The following ATP10D variants were observed in gnomAD, a reference collection of about 807,000 sequenced individuals.
ATP10D encodes ATPase phospholipid transporting 10D (putative), also known as phospholipid-transporting ATPase VD.
A neutral mutation model predicts 144.8 loss-of-function variants in ATP10D; 89 were observed. The observed-to-expected ratio is 0.61, with a 90% CI of 0.52 to 0.73. The LOEUF (loss-of-function observed/expected upper bound fraction) is 0.73. Among genes scored for constraint, ATP10D ranks in the 30% least tolerant of loss-of-function variants. ATP10D has a pLI of 0.00. For synonymous variants in ATP10D, 571 were observed against 615.1 expected (o/e 0.93, Z 1.06); for missense variants, 1,603 against 1,714.8 (o/e 0.93, Z 1.15).
At chr4:47,500,092 T>C (rs1715605380) in intron 1 of ATP10D, among the ~76,000 whole-genome samples, 2 of 152,248 alleles carry the variant, frequency 1.3e-5, no homozygotes. Flanking sequence ...GGTGTTATTT[T>C]ACTCATTCAT....
At chr4:47,517,948 C>G (rs1347716543) in intron 3 of ATP10D, among the ~76,000 whole-genome samples, 2 of 151,980 alleles carry the variant, frequency 1.3e-5, no homozygotes, top group Non-Finnish European at 2.9e-5. Context: ...GTGTTTTTAT[C>G]TGTGTATAAT....
intron 10 of ATP10D, among the ~76,000 whole-genome samples, chr4:47,551,684 CA>C (rs1430082220): frequency 6.6e-6 from 1 of 152,176 alleles, no homozygotes; most frequent in Non-Finnish European, 1.5e-5. Flanking sequence ...GGAGAGATTC[CA>C]TACCTATGTA....
At position 47,535,600 on chromosome 4, in the gene ATP10D, A is replaced by C. The variant is rs747164353; in HGVS notation, c.868A>C (p.Ile290Leu). Residue 290 changes from isoleucine to leucine, a missense_variant, in exon 6 of 23, where the codon ATT becomes CTT. Coordinates refer to ENST00000273859, the MANE Select transcript of ATP10D (RefSeq NM_020453.4). Reference sequence around the variant, plus strand: ...TAGAAACACAGAGGCTGTTGTGGGCATTGTGGTTTATGCAGGTCGGTTATG... The same window carrying C: ...TAGAAACACAGAGGCTGTTGTGGGCCTTGTGGTTTATGCAGGTCGGTTATG... ...TIRNTEAVVGIVVYAGHETKA... is the reference protein window; with the variant it reads ...TIRNTEAVVGLVVYAGHETKA... 1.9e-6 allele frequency: 3 copies of C among 1,612,068 alleles called. No homozygotes were observed. The highest frequency in any genetic ancestry group is 1.7e-5 in the Admixed American group (1 of 59,632).
At position 47,593,130 on chromosome 4, in the gene ATP10D, T is replaced by C. The variant is rs971353097; in HGVS notation, c.*1749T>C. 1.3e-5 allele frequency: 2 copies of C among 151,996 alleles called. No individual in the cohort carries two copies. The highest frequency in any genetic ancestry group is 4.8e-5 in the African/African-American group (2 of 41,396). The allele number at this position is 151,996 out of a possible 1,614,324, so 9.4% of individuals were successfully genotyped here. ...TCACTTGTAAATAAAAAGGTTAGAA[T>C]CTAAGGACAAAGAATGATCCAAAAA... On this transcript the variant is annotated 3_prime_UTR_variant, in exon 23 of 23. Transcript: ENST00000273859.
chr4:47,496,628 C>T (rs1327309836), intron 1 of ATP10D, among the ~76,000 whole-genome samples: 1 of 152,086 alleles, frequency 6.6e-6, no homozygotes, highest in East Asian at 1.9e-4. Context: ...AATAAAGAAA[C>T]TCTTTGCTAC....
intron 10 of ATP10D, among the ~76,000 whole-genome samples, chr4:47,549,289 C>T (rs2109438083): frequency 6.6e-6 from 1 of 152,286 alleles, no homozygotes; most frequent in South Asian, 2.1e-4. Context: ...GCTCAAATAC[C>T]TTCTCAGTGA....
Position 47,563,730 on chromosome 4 carries a change from G to A in ATP10D, c.2818G>A (p.Asp940Asn), listed in dbSNP as rs757014135. 2 of 1,611,128 alleles carry A rather than the reference G, an allele frequency of 1.2e-6. No individual in the cohort carries two copies. The highest frequency in any genetic ancestry group is 1.7e-5 in the Admixed American group (1 of 59,262). The change falls in exon 15 of 23, where the codon GAT becomes AAT. Residue 940 changes from aspartate to asparagine, a missense_variant. Physicochemically the swap from Asp to Asn is conservative, Grantham distance 23 (BLOSUM62 1). Transcript: ENST00000273859. ...IAYACKLLEP[D>N]DKLFILNTQS... Reference sequence around the variant, plus strand: ...TTATGCATGCAAACTACTGGAGCCAGATGACAAGCTTTTTATCCTCAATAC... The same window carrying A: ...TTATGCATGCAAACTACTGGAGCCAAATGACAAGCTTTTTATCCTCAATAC...
chr4:47,536,894 G>A lies in ATP10D; in HGVS notation c.1352G>A (p.Arg451Gln), dbSNP rs149876632. Reference protein sequence around the residue: ...GTLTENKMVFRRCSVAGFDYC... With the variant: ...GTLTENKMVFQRCSVAGFDYC... ...CTCACTGAGAATAAGATGGTTTTTC[G>A]AAGATGTAGTGTGGCAGGATTTGAT... The change falls in exon 9 of 23, where the codon CGA (arginine) becomes CAA (glutamine). Residue 451 changes from arginine to glutamine, a missense_variant. By Grantham distance (43) the Arg-to-Gln change is conservative. Coordinates refer to ENST00000273859, the MANE Select transcript of ATP10D (RefSeq NM_020453.4). The A allele has an allele frequency of 9.7e-5, 156 of 1,612,882 alleles. 1 individual carries two copies. The East Asian group carries it at 1.1e-3, about 11-fold the overall frequency.
chr4:47,535,974 A>G lies in ATP10D; in HGVS notation c.956A>G (p.Asn319Ser), dbSNP rs1717826008. The part of the protein sequence containing the change: ...YKRSKLERRA[N>S]TDVLWCVMLL... ...CGCAGCAAATTAGAAAGAAGAGCAAACACAGATGTCCTCTGGTGTGTCATG... is the reference window on the plus strand; with the variant it reads ...CGCAGCAAATTAGAAAGAAGAGCAAGCACAGATGTCCTCTGGTGTGTCATG... The change falls in exon 7 of 23, where the codon AAC (asparagine) becomes AGC (serine). Residue 319 changes from asparagine (N) to serine (S), a missense_variant. Coordinates refer to ENST00000273859, the MANE Select transcript of ATP10D (RefSeq NM_020453.4). The G allele has an allele frequency of 1.9e-6, 3 of 1,613,218 alleles. No individual in the cohort carries two copies. The highest frequency in any genetic ancestry group is 2.5e-6 in the Non-Finnish European group (3 of 1,179,340).
rs913564545 is a variant in ATP10D at position 47,510,963 on chromosome 4, A to G, written c.-37-1541A>G. Among the ~76,000 whole-genome samples the G allele has an allele frequency of 2.9e-4, 44 of 152,332 alleles. 1 individual carries two copies. Among genetic ancestry groups the G allele is most frequent in the African/African-American group, 1.0e-3 (43 of 41,574 alleles). ...GCATTATGTGAAACTAATGAAAAGC[A>G]CTTAGTATTTATGTTCAGTATTTTC... On this transcript the variant is annotated intron_variant, in intron 1 of 22. Coordinates refer to ENST00000273859, the MANE Select transcript of ATP10D (RefSeq NM_020453.4).
At chr4:47,500,214 A>G (rs1003953910) in intron 1 of ATP10D, among the ~76,000 whole-genome samples, 3 of 152,222 alleles carry the variant, frequency 2.0e-5, no homozygotes, top group Admixed American at 1.3e-4. Context: ...TTCTACGCTG[A>G]TGGAGGAGGG....
chr4:47,547,131 G>C (rs1718486258), intron 10 of ATP10D: 2 of 438,232 alleles, frequency 4.6e-6, no homozygotes, highest in Admixed American at 7.3e-5. Flanking sequence ...GGCTGATTAT[G>C]TGTGAGCCTG....
intron 10 of ATP10D, among the ~76,000 whole-genome samples, chr4:47,550,744 C>T (rs1042293265): frequency 1.3e-5 from 2 of 152,158 alleles, no homozygotes; most frequent in African/African-American, 4.8e-5. Flanking sequence ...GGCACTTAGC[C>T]ATGCAGGAAC....
intron 16 of ATP10D, among the ~76,000 whole-genome samples, chr4:47,571,265 A>G (rs1330952671): frequency 6.7e-6 from 1 of 148,624 alleles, no homozygotes; most frequent in African/African-American, 2.4e-5. Flanking sequence ...ACATAATTAT[A>G]TTATAATTTA....
At chr4:47,527,325 A>G (rs1281650872) in intron 5 of ATP10D, among the ~76,000 whole-genome samples, 1 of 152,132 alleles carries the variant, frequency 6.6e-6, no homozygotes, top group Non-Finnish European at 1.5e-5. Context: ...CTAGACTTAA[A>G]TGTACATCTA....
At chr4:47,567,513 T>C (rs1245182071) in intron 15 of ATP10D, among the ~76,000 whole-genome samples, 1 of 152,238 alleles carries the variant, frequency 6.6e-6, no homozygotes, top group African/African-American at 2.4e-5. Context: ...GTATTGCAGC[T>C]GTATTCTTTC....
At chr4:47,564,851 A>G (rs972878865) in intron 15 of ATP10D, among the ~76,000 whole-genome samples, 1 of 152,206 alleles carries the variant, frequency 6.6e-6, no homozygotes, top group African/African-American at 2.4e-5. Context: ...AGTGATATCA[A>G]TCCCATCACT....
intron 1 of ATP10D, among the ~76,000 whole-genome samples, chr4:47,503,855 C>T (rs1291566370): frequency 6.6e-6 from 1 of 151,672 alleles, no homozygotes. Context: ...GCAGTGATTG[C>T]ACCACTGCAC....
intron 20 of ATP10D, 114 bp from the exon 21 acceptor site, chr4:47,581,846 T>C: frequency 1.3e-6 from 1 of 781,828 alleles, no homozygotes; most frequent in Non-Finnish European, 2.2e-6. Context: ...ATATGGCCAG[T>C]TCACAGGGAC....
Sources: gnomAD v4.1 joint callset for allele counts (sites outside exome capture counted in the v4.1 genomes callset) on GRCh38, gnomAD v4.1.1 for gene constraint, MANE v1.5 for transcripts, NCBI Gene and HGNC (gene_info 2026-07-23, HGNC 2026-07-21) for gene names.